The following FSIP1 variants were observed in gnomAD, a reference collection of about 807,000 sequenced individuals.
FSIP1 encodes the protein fibrous sheath interacting protein 1, also known as fibrous sheath-interacting protein 1.
A neutral mutation model predicts 60.9 loss-of-function variants in FSIP1; 65 were observed. The ratio of observed to expected loss-of-function variants is 1.07; its 90% CI spans 0.87 to 1.31. The LOEUF is 1.31. Among genes scored for constraint, FSIP1 ranks in the 40% most tolerant of loss-of-function variants. The pLI, the probability that FSIP1 is intolerant of heterozygous loss-of-function variation, is 0.00. For synonymous variants in FSIP1, 209 were observed against 221.2 expected (o/e 0.94, Z 0.49); for missense variants, 675 against 665.5 (o/e 1.01, Z -0.16).
intron 10 of FSIP1, among the ~76,000 whole-genome samples, chr15:39,704,182 A>G (rs568018891): frequency 6.6e-6 from 1 of 152,384 alleles, no homozygotes; most frequent in African/African-American, 2.4e-5. Context: ...CAAAAGTTGT[A>G]TACTCTAAAT....
At chr15:39,715,663 G>T (rs544636514) in intron 9 of FSIP1, among the ~76,000 whole-genome samples, 2 of 152,274 alleles carry the variant, frequency 1.3e-5, no homozygotes, top group South Asian at 4.1e-4. Flanking sequence ...GATATCGTTT[G>T]GATCTCTGTC....
chr15:39,739,006 G>A (rs1309082005), intron 7 of FSIP1, among the ~76,000 whole-genome samples: 2 of 152,380 alleles, frequency 1.3e-5, no homozygotes, highest in Admixed American at 6.5e-5. Context: ...AGGGTGTGCA[G>A]AGCTTCTGTC....
At chr15:39,610,162 A>G (rs556493330) in intron 11 of FSIP1, among the ~76,000 whole-genome samples, 1 of 152,354 alleles carries the variant, frequency 6.6e-6, no homozygotes, top group South Asian at 2.1e-4. Flanking sequence ...AAGAAAGCCT[A>G]CATAAATCTA....
chr15:39,613,818 G>T (rs2140373870), intron 11 of FSIP1, among the ~76,000 whole-genome samples: 1 of 151,974 alleles, frequency 6.6e-6, no homozygotes, highest in South Asian at 2.1e-4. Flanking sequence ...TTAATAAGTG[G>T]GATATACCAC....
At chr15:39,631,128 T>C (rs1891866861) in intron 10 of FSIP1, among the ~76,000 whole-genome samples, 1 of 152,192 alleles carries the variant, frequency 6.6e-6, no homozygotes. Flanking sequence ...GATGCACACA[T>C]GGCAAAGCTT....
intron 9 of FSIP1, among the ~76,000 whole-genome samples, chr15:39,718,546 A>T: frequency 6.8e-6 from 1 of 147,508 alleles, no homozygotes. Flanking sequence ...GCTGGAGTGC[A>T]GTGGCACAAC....
intron 10 of FSIP1, among the ~76,000 whole-genome samples, chr15:39,700,682 G>A (rs1032489985): frequency 6.6e-6 from 1 of 152,156 alleles, no homozygotes; most frequent in African/African-American, 2.4e-5. Flanking sequence ...GCCCACCCCA[G>A]TGTCTATACA....
intron 10 of FSIP1, among the ~76,000 whole-genome samples, chr15:39,633,991 C>T (rs77509770): frequency 1.5e-3 from 221 of 152,266 alleles, no homozygotes; most frequent in African/African-American, 5.1e-3. Flanking sequence ...CTCCACCACC[C>T]ATCTACCAGC....
intron 10 of FSIP1, among the ~76,000 whole-genome samples, chr15:39,627,421 A>C (rs1448332010): frequency 1.3e-5 from 2 of 152,250 alleles, no homozygotes; most frequent in African/African-American, 4.8e-5. Context: ...TGGGATGATC[A>C]GCTGGCCACT....
At chr15:39,676,527 T>C (rs910732671) in intron 10 of FSIP1, among the ~76,000 whole-genome samples, 4 of 152,218 alleles carry the variant, frequency 2.6e-5, no homozygotes, top group Non-Finnish European at 5.9e-5. Flanking sequence ...TCCTGAAGAC[T>C]GTGTGTTCAC....
chr15:39,714,590 T>C (rs1174109205), intron 9 of FSIP1, among the ~76,000 whole-genome samples: 1 of 151,348 alleles, frequency 6.6e-6, no homozygotes, highest in Non-Finnish European at 1.5e-5. Flanking sequence ...CAGCAGTTTT[T>C]AAACTCCAGT....
At chr15:39,641,317 AC>A (rs1892359760) in intron 10 of FSIP1, among the ~76,000 whole-genome samples, 1 of 152,162 alleles carries the variant, frequency 6.6e-6, no homozygotes, top group African/African-American at 2.4e-5. Context: ...CATATTACCC[AC>A]CACTAGAGCA....
At chr15:39,619,859 GA>G (rs976122932) in intron 10 of FSIP1, among the ~76,000 whole-genome samples, 2 of 151,692 alleles carry the variant, frequency 1.3e-5, no homozygotes, top group Non-Finnish European at 2.9e-5. Flanking sequence ...TTAGACACTA[GA>G]AAAAAAATCA....
At chr15:39,674,297 G>A (rs563144038) in intron 10 of FSIP1, among the ~76,000 whole-genome samples, 3 of 152,022 alleles carry the variant, frequency 2.0e-5, no homozygotes, top group South Asian at 2.1e-4. Context: ...CTTGTGATCC[G>A]CCCGCCTCGG....
At chr15:39,734,099 A>G (rs1305206673) in intron 8 of FSIP1, among the ~76,000 whole-genome samples, 1 of 152,224 alleles carries the variant, frequency 6.6e-6, no homozygotes, top group Non-Finnish European at 1.5e-5. Flanking sequence ...AAAGACACAC[A>G]CAAATATAAT....
chr15:39,710,354 A>G (rs1895447620), intron 10 of FSIP1, among the ~76,000 whole-genome samples: 1 of 151,164 alleles, frequency 6.6e-6, no homozygotes, highest in African/African-American at 2.4e-5. Context: ...ATGGTGGCAC[A>G]CACCTGTAGT....
chr15:39,604,048 C>T (rs1890736545), intron 11 of FSIP1, among the ~76,000 whole-genome samples: 1 of 152,208 alleles, frequency 6.6e-6, no homozygotes. Context: ...TCTCCTGCCT[C>T]AGCCTCCCAA....
intron 11 of FSIP1, among the ~76,000 whole-genome samples, chr15:39,609,609 T>C (rs543028720): frequency 6.6e-6 from 1 of 152,284 alleles, no homozygotes; most frequent in African/African-American, 2.4e-5. Flanking sequence ...CATCCATGTG[T>C]TTCTCTAGAC....
intron 10 of FSIP1, among the ~76,000 whole-genome samples, chr15:39,640,600 G>A (rs1892323456): frequency 1.3e-5 from 2 of 151,950 alleles, no homozygotes; most frequent in Non-Finnish European, 2.9e-5. Flanking sequence ...GATAAAAGAA[G>A]AACTTCAGCT....
Sources: allele counts gnomAD v4.1 joint callset (sites outside exome capture counted in the v4.1 genomes callset), GRCh38; gene constraint gnomAD v4.1.1; transcripts MANE v1.5; gene names NCBI Gene and HGNC (gene_info 2026-07-23, HGNC 2026-07-21).